TFAP2B: variants seen among roughly 807,000 people sequenced by gnomAD.
The protein encoded by TFAP2B is transcription factor AP-2-beta.
A neutral mutation model predicts 44.3 loss-of-function variants in TFAP2B; 9 were observed. The ratio of observed to expected loss-of-function variants is 0.20; its 90% CI spans 0.12 to 0.35. The LOEUF (loss-of-function observed/expected upper bound fraction) is 0.35. Ranked by LOEUF, TFAP2B falls within the 10% of genes least tolerant of loss-of-function variation. The probability of loss-of-function intolerance (pLI) is 1.00; values close to 1 mark genes in which losing one functional copy is unlikely to be tolerated. For synonymous variants in TFAP2B, 270 were observed against 263.8 expected (o/e 1.02, Z -0.23); for missense variants, 509 against 600.0 (o/e 0.85, Z 1.59).
rs908688552 is a variant in TFAP2B, at chr6:50,818,942, G to A, written c.51G>A (p.Val17=). 3 of 1,614,080 alleles carry A rather than the reference G, an allele frequency of 1.9e-6. No homozygotes were observed. Among genetic ancestry groups the A allele is most frequent in the Non-Finnish European group, 2.5e-6 (3 of 1,180,024 alleles). Residue 17 remains valine (V), a synonymous_variant, in exon 1 of 7, where the codon GTG becomes GTA. Coordinates refer to ENST00000393655, the MANE Select transcript of TFAP2B (RefSeq NM_003221.4). ...CTGCCATCATGCTCTGGAAGCTTGTGGAGAATGTCAAGTACGAAGATATCT... is the reference window on the plus strand; with the variant it reads ...CTGCCATCATGCTCTGGAAGCTTGTAGAGAATGTCAAGTACGAAGATATCT... ...DQAAIMLWKL[V]ENVKYEDIYE...
In TFAP2B at chr6:50,825,330, C is replaced by T. The variant is rs192903194; in HGVS notation, c.540+1465C>T. ...TAATGCATTGGGGTAATATGTGTCT[C>T]GAGGGGAAAAGTTTTTAAATTAACC... On this transcript the variant is annotated intron_variant, in intron 2 of 6. Transcript: ENST00000393655. Among the ~76,000 whole-genome samples, 17 of 151,306 alleles carry T rather than the reference C, an allele frequency of 1.1e-4. No individual in the cohort carries two copies. In the East Asian group the frequency reaches 2.7e-3, roughly 24 times the overall value.
At chr6:50,839,866 G>T (rs1249474407) in intron 5 of TFAP2B, among the ~76,000 whole-genome samples, 1 of 152,160 alleles carries the variant, frequency 6.6e-6, no homozygotes. Flanking sequence ...TTATAAGGTG[G>T]CTCTTGACAA....
chr6:50,829,828 G>A (rs1678327317), intron 3 of TFAP2B, among the ~76,000 whole-genome samples: 1 of 152,218 alleles, frequency 6.6e-6, no homozygotes, highest in Non-Finnish European at 1.5e-5. Flanking sequence ...AGGAAGAGTA[G>A]CTTTGAAAGG....
chr6:50,828,536 A>G (rs1770587849), intron 2 of TFAP2B, 83 bp from the exon 3 acceptor site: 2 of 1,215,058 alleles, frequency 1.6e-6, no homozygotes, highest in Non-Finnish European at 2.4e-6. Flanking sequence ...AATAACAGAA[A>G]CTCCAGTTTG....
Position 50,838,030 on chromosome 6 carries a change from T to C in TFAP2B, c.877T>C (p.Leu293=). The change falls in exon 5 of 7, where the codon TTG becomes CTG. Residue 293 remains leucine, a synonymous_variant. Transcript: ENST00000393655. ...SLRERLEKIG[L]NLPAGRRKAA... Reference sequence around the variant, plus strand: ...GCGAGAAAGGCTAGAAAAAATCGGTTTGAATTTACCCGCGGGCAGGCGCAA... The same window carrying C: ...GCGAGAAAGGCTAGAAAAAATCGGTCTGAATTTACCCGCGGGCAGGCGCAA... The C allele has an allele frequency of 6.2e-7, 1 of 1,614,118 alleles. No homozygotes were observed. The highest frequency in any genetic ancestry group is 8.5e-7 in the Non-Finnish European group (1 of 1,180,012).
intron 1 of TFAP2B, among the ~76,000 whole-genome samples, chr6:50,819,502 T>G (rs907296828): frequency 1.4e-4 from 22 of 152,124 alleles, no homozygotes; most frequent in African/African-American, 3.6e-4. Context: ...TATGGATGGA[T>G]AGAGCAAAAT....
rs1762783162 is a variant in TFAP2B at position 50,843,721 on chromosome 6, G to A, written c.*329G>A. 8.6e-6 allele frequency: 2 copies of A among 231,726 alleles called. No homozygotes were observed. The highest frequency in any genetic ancestry group is 8.4e-5 in the South Asian group (1 of 11,950). The allele number at this position is 231,726 out of a possible 1,614,324, so 14.4% of individuals were successfully genotyped here. On this transcript the variant is annotated 3_prime_UTR_variant, in exon 7 of 7. Transcript: ENST00000393655. ...CCTTCCCTTTGGAAAATAAACATAA[G>A]ACTAAACATGAGAAAAACGCTAACT...
At chr6:50,822,089 T>A (rs923142174) in intron 1 of TFAP2B, 4 of 1,289,858 alleles carry the variant, frequency 3.1e-6, no homozygotes, top group African/African-American at 3.1e-5. Context: ...ATTTTTTTTT[T>A]AATCATTGTT....
intron 3 of TFAP2B, among the ~76,000 whole-genome samples, chr6:50,835,511 TG>T (rs1762602212): frequency 6.6e-6 from 1 of 152,200 alleles, no homozygotes; most frequent in Non-Finnish European, 1.5e-5. Context: ...TAGTATCTGA[TG>T]GGGTCCACCC....
chr6:50,835,891 G>C (rs892195438), intron 3 of TFAP2B, among the ~76,000 whole-genome samples, 170 bp from the exon 4 acceptor site: 1 of 152,202 alleles, frequency 6.6e-6, no homozygotes, highest in Non-Finnish European at 1.5e-5. Context: ...TTTGCCATCT[G>C]TTTGTTTACA....
At chr6:50,842,945 C>T in intron 6 of TFAP2B, 147 bp from the exon 7 acceptor site, 1 of 1,146,482 alleles carries the variant, frequency 8.7e-7, no homozygotes, top group Admixed American at 1.7e-5. Context: ...AGGGAGGGCG[C>T]TGGGAAAGGA....
At chr6:50,841,439 G>C (rs1319634057) in intron 6 of TFAP2B, among the ~76,000 whole-genome samples, 1 of 144,422 alleles carries the variant, frequency 6.9e-6, no homozygotes, top group Non-Finnish European at 1.5e-5. Context: ...GGGTGTGTGT[G>C]TGGGGGGGAT....
intron 2 of TFAP2B, among the ~76,000 whole-genome samples, chr6:50,825,693 C>T (rs1050996173): frequency 6.6e-6 from 1 of 152,138 alleles, no homozygotes; most frequent in Non-Finnish European, 1.5e-5. Flanking sequence ...CAAGTTGTTG[C>T]TGTCGGGAAT....
At chr6:50,818,849 G>A (rs1770243986), upstream of TFAP2B, 1 of 1,583,176 alleles carries the variant, frequency 6.3e-7, no homozygotes, top group East Asian at 2.2e-5. Flanking sequence ...GATCATTACA[G>A]ACAGCGGAGT....
chr6:50,819,630 G>T (rs1561956124), intron 1 of TFAP2B, among the ~76,000 whole-genome samples: 1 of 152,202 alleles, frequency 6.6e-6, no homozygotes, highest in African/African-American at 2.4e-5. Flanking sequence ...GGAAATTTCT[G>T]CCCACGTTCA....
chr6:50,840,056 C>T, intron 5 of TFAP2B, 100 bp from the exon 6 acceptor site: 2 of 1,507,224 alleles, frequency 1.3e-6, no homozygotes, highest in South Asian at 1.1e-5. Flanking sequence ...AACAGCTGGC[C>T]TTCTCTGGAA....
At chr6:50,835,073 C>A (rs997738637) in intron 3 of TFAP2B, among the ~76,000 whole-genome samples, 47 of 152,312 alleles carry the variant, frequency 3.1e-4, no homozygotes, top group African/African-American at 1.1e-3. Context: ...CACTGAAACA[C>A]AATTAAGCAG....
At chr6:50,835,015 C>T (rs1214767882) in intron 3 of TFAP2B, among the ~76,000 whole-genome samples, 1 of 152,188 alleles carries the variant, frequency 6.6e-6, no homozygotes, top group Non-Finnish European at 1.5e-5. Context: ...TCCTCATTCC[C>T]AGCCTTCTGG....
In TFAP2B at chr6:50,843,452, T is replaced by A. The variant is rs886061569; in HGVS notation, c.*60T>A. ...ATACAAAAGGAAAAACAGACAAAAA[T>A]TTAATTTTAGCTTTAAAATATTGGA... On this transcript the variant is annotated 3_prime_UTR_variant, in exon 7 of 7. Coordinates refer to ENST00000393655, the MANE Select transcript of TFAP2B (RefSeq NM_003221.4). The A allele has an allele frequency of 1.0e-5, 16 of 1,524,958 alleles. No homozygotes were observed. The highest frequency in any genetic ancestry group is 9.7e-5 in the East Asian group (4 of 41,410). 94.5% of individuals were successfully genotyped at this position (1,524,958 alleles called of 1,614,324 possible).
Sources: allele counts gnomAD v4.1 joint callset (sites outside exome capture counted in the v4.1 genomes callset), GRCh38; gene constraint gnomAD v4.1.1; transcripts MANE v1.5; gene names NCBI Gene and HGNC (gene_info 2026-07-23, HGNC 2026-07-21).